The following PARM1 variants were observed in gnomAD, a reference collection of about 807,000 sequenced individuals.
The protein encoded by PARM1 is prostate androgen-regulated mucin-like protein 1.
PARM1 carries 14 observed loss-of-function variants against 24.6 expected under a neutral mutation model. That is an observed-to-expected ratio of 0.57 (90% CI 0.38 to 0.89). PARM1 has a LOEUF of 0.89. PARM1 is among the 40% of genes least tolerant of loss of function. The pLI, the probability that PARM1 is intolerant of heterozygous loss-of-function variation, is 0.00. For missense variants in PARM1, 362 were observed against 380.4 expected (o/e 0.95, Z 0.40); for synonymous variants, 179 against 156.6 (o/e 1.14, Z -1.07).
chr4:74,989,056 AAAGT>A (rs1560784892), intron 1 of PARM1, among the ~76,000 whole-genome samples: 1 of 152,138 alleles, frequency 6.6e-6, no homozygotes, highest in South Asian at 2.1e-4. Context: ...GGAAAAAACC[AAAGT>A]ATTTTTTTCG....
At chr4:74,995,595 T>C (rs906783072) in intron 1 of PARM1, among the ~76,000 whole-genome samples, 1 of 152,138 alleles carries the variant, frequency 6.6e-6, no homozygotes. Context: ...TCACACATGC[T>C]CTGTGCCCTC....
rs143229992 is a variant in PARM1, at chr4:75,000,923, C to T, written c.44-11502C>T. On this transcript the variant is annotated intron_variant, in intron 1 of 3. Coordinates refer to ENST00000307428, the MANE Select transcript of PARM1 (RefSeq NM_015393.4). ...GTTTGACCTATAGTTTTAACCATTG[C>T]GGGTAGCTGTATGGCTTGGTGTTTA... is the stretch of plus-strand genomic sequence containing the variant. Among the ~76,000 whole-genome samples, 115 of 152,224 alleles carry T rather than the reference C, an allele frequency of 7.6e-4. 1 individual carries two copies. The highest frequency in any genetic ancestry group is 2.7e-3 in the African/African-American group (111 of 41,552).
At chr4:74,959,535 C>T (rs1721721686) in intron 1 of PARM1, among the ~76,000 whole-genome samples, 1 of 152,198 alleles carries the variant, frequency 6.6e-6, no homozygotes, top group Non-Finnish European at 1.5e-5. Context: ...CATGCTGCAT[C>T]AAGTAAATCC....
chr4:75,015,233 A>C (rs1236946838), intron 2 of PARM1, among the ~76,000 whole-genome samples: 1 of 152,186 alleles, frequency 6.6e-6, no homozygotes, highest in Non-Finnish European at 1.5e-5. Context: ...GTTATTCAAG[A>C]CAGTTCTGTT....
intron 1 of PARM1, among the ~76,000 whole-genome samples, chr4:75,001,612 G>T (rs1252719965): frequency 6.6e-6 from 1 of 152,176 alleles, no homozygotes. Context: ...TTTACTGCAT[G>T]CAAGTTGTAT....
intron 1 of PARM1, among the ~76,000 whole-genome samples, chr4:75,000,803 T>C (rs948266895): frequency 1.3e-5 from 2 of 152,216 alleles, no homozygotes; most frequent in Admixed American, 6.5e-5. Context: ...TCTTAAAATA[T>C]CCCTTTGAAT....
At chr4:74,985,436 A>G (rs2109775153) in intron 1 of PARM1, among the ~76,000 whole-genome samples, 1 of 152,324 alleles carries the variant, frequency 6.6e-6, no homozygotes, top group East Asian at 1.9e-4. Flanking sequence ...GCCTTTCCCA[A>G]CAGTGGGTGG....
At chr4:74,972,021 G>A (rs1202464989) in intron 1 of PARM1, among the ~76,000 whole-genome samples, 1 of 152,192 alleles carries the variant, frequency 6.6e-6, no homozygotes, top group Non-Finnish European at 1.5e-5. Flanking sequence ...GAAGTTACTG[G>A]TAGTTAGGGT....
intron 2 of PARM1, among the ~76,000 whole-genome samples, chr4:75,030,744 A>G (rs1323603732): frequency 6.6e-6 from 1 of 152,224 alleles, no homozygotes; most frequent in Non-Finnish European, 1.5e-5. Context: ...CCAATGAGGA[A>G]GAAATGAAAC....
At chr4:74,958,981 G>A (rs1483688431) in intron 1 of PARM1, among the ~76,000 whole-genome samples, 3 of 152,166 alleles carry the variant, frequency 2.0e-5, no homozygotes, top group Admixed American at 2.0e-4. Context: ...AAAAGATCTA[G>A]AATAGGGCTA....
intron 1 of PARM1, among the ~76,000 whole-genome samples, chr4:74,934,749 A>G (rs1721140941): frequency 6.6e-6 from 1 of 152,188 alleles, no homozygotes; most frequent in South Asian, 2.1e-4. Flanking sequence ...TCCTCAAAGC[A>G]GGAGATGCTT....
At chr4:74,951,288 C>T (rs1721517056) in intron 1 of PARM1, among the ~76,000 whole-genome samples, 1 of 152,144 alleles carries the variant, frequency 6.6e-6, no homozygotes, top group African/African-American at 2.4e-5. Context: ...CATCACCACG[C>T]CTGCAGTAAA....
At chr4:74,962,279 C>A (rs1721790792) in intron 1 of PARM1, among the ~76,000 whole-genome samples, 1 of 150,674 alleles carries the variant, frequency 6.6e-6, no homozygotes, top group Non-Finnish European at 1.5e-5. Flanking sequence ...ATAAGAACCA[C>A]AAAGAAAATA....
intron 1 of PARM1, among the ~76,000 whole-genome samples, chr4:74,950,784 T>G (rs1202596559): frequency 6.6e-6 from 1 of 152,178 alleles, no homozygotes; most frequent in Non-Finnish European, 1.5e-5. Flanking sequence ...TTATTGCTCT[T>G]GATGAGACTG....
intron 3 of PARM1, among the ~76,000 whole-genome samples, 188 bp from the exon 4 acceptor site, chr4:75,045,975 T>C (rs1723593099): frequency 1.3e-5 from 2 of 151,928 alleles, no homozygotes; most frequent in African/African-American, 4.8e-5. Flanking sequence ...GCAGGAAGAG[T>C]TGTCATTGAC....
At chr4:74,943,624 G>T (rs929969746) in intron 1 of PARM1, among the ~76,000 whole-genome samples, 1 of 152,014 alleles carries the variant, frequency 6.6e-6, no homozygotes, top group African/African-American at 2.4e-5. Context: ...GCTTTATTTG[G>T]TGCCATAGAC....
intron 1 of PARM1, among the ~76,000 whole-genome samples, chr4:74,979,147 CAA>C (rs566542080): frequency 1.3e-5 from 2 of 148,318 alleles, no homozygotes; most frequent in African/African-American, 2.5e-5. Context: ...CACACACACA[CAA>C]AAAAAAACCT....
intron 1 of PARM1, among the ~76,000 whole-genome samples, chr4:75,005,177 C>T (rs750841163): frequency 6.6e-6 from 1 of 152,236 alleles, no homozygotes; most frequent in Non-Finnish European, 1.5e-5. Flanking sequence ...ACTCAGCACA[C>T]AGACCTTCAG....
At position 74,945,829 on chromosome 4, in the gene PARM1, T is replaced by A. The variant is rs528884814; in HGVS notation, c.43+12459T>A. On this transcript the variant is annotated intron_variant, in intron 1 of 3. Coordinates refer to ENST00000307428, the MANE Select transcript of PARM1 (RefSeq NM_015393.4). The stretch of plus-strand genomic sequence containing the variant: ...TGGCAACATTAAATTTCTTATATAA[T>A]CTTTTCAACAAAATAATCAATAAAA... Among the ~76,000 whole-genome samples the A allele has an allele frequency of 7.9e-4, 120 of 152,328 alleles. 1 individual carries two copies. Among genetic ancestry groups the A allele is most frequent in the Non-Finnish European group, 1.5e-3 (101 of 68,042 alleles).
Sources: allele counts gnomAD v4.1 joint callset (sites outside exome capture counted in the v4.1 genomes callset), GRCh38; gene constraint gnomAD v4.1.1; transcripts MANE v1.5; gene names NCBI Gene and HGNC (gene_info 2026-07-23, HGNC 2026-07-21).